EGF: variants seen among roughly 807,000 people sequenced by gnomAD.
EGF encodes epidermal growth factor.
Under a neutral mutation model 143.8 loss-of-function variants are expected in EGF, and 95 were observed. That is an observed-to-expected ratio of 0.66 (90% confidence interval 0.56 to 0.78). The LOEUF is 0.78. Ranked by LOEUF, EGF falls within the 30% of genes least tolerant of loss-of-function variation. The pLI is 0.00. For missense variants in EGF, 1,320 were observed against 1,470.9 expected (o/e 0.90, Z 1.68); for synonymous variants, 510 against 510.5 (o/e 1.00, Z 0.01).
intron 20 of EGF, among the ~76,000 whole-genome samples, chr4:109,997,278 T>C (rs750987397): frequency 2.6e-5 from 4 of 152,060 alleles, no homozygotes; most frequent in Non-Finnish European, 5.9e-5. Context: ...ATCTCAAGCA[T>C]TGATCTTAGG....
chr4:109,965,655 A>C (rs1216011807), intron 10 of EGF, among the ~76,000 whole-genome samples: 1 of 152,006 alleles, frequency 6.6e-6, no homozygotes, highest in Non-Finnish European at 1.5e-5. Context: ...TCTTGGGTTA[A>C]TTTTCTTATT....
chr4:109,924,751 AC>A (rs1560631018), intron 1 of EGF, among the ~76,000 whole-genome samples: 1 of 152,092 alleles, frequency 6.6e-6, no homozygotes, highest in Non-Finnish European at 1.5e-5. Context: ...CAGTCTTGAC[AC>A]CTTTCTTATT....
chr4:109,959,577 C>A, intron 6 of EGF, 140 bp downstream of exon 6: 3 of 1,212,720 alleles, frequency 2.5e-6, no homozygotes, highest in Non-Finnish European at 3.6e-6. Context: ...TCTCCCCGTC[C>A]CCCACACAAC....
chr4:109,980,940 C>T lies in EGF; in HGVS notation c.2336C>T (p.Thr779Met), dbSNP rs752806358. ...TTTATGAAAGCCTCAGATGGGAAAACGTGTCTGGCTCTGGATGGTCATCAG... is the reference window on the plus strand; with the variant it reads ...TTTATGAAAGCCTCAGATGGGAAAATGTGTCTGGCTCTGGATGGTCATCAG... ...EGFMKASDGK[T>M]CLALDGHQLL... Residue 779 changes from threonine to methionine, a missense_variant, in exon 15 of 24, where the codon ACG becomes ATG. Physicochemically the swap from Thr to Met is moderately conservative, Grantham distance 81. This residue lies in a region of EGF where 1,186 missense variants were observed against 1,313.7 expected (regional missense o/e 0.90). Transcript: ENST00000265171. 1.2e-5 allele frequency: 20 copies of T among 1,614,040 alleles called. No individual in the cohort carries two copies. The highest frequency in any genetic ancestry group is 2.2e-5 in the East Asian group (1 of 44,886).
chr4:110,002,132 A>G (rs539281800), intron 21 of EGF: 3 of 742,708 alleles, frequency 4.0e-6, no homozygotes, highest in East Asian at 1.3e-4. Flanking sequence ...TTCCTCCCTT[A>G]TACCATTCCT....
At chr4:109,967,468 A>G (rs535784809) in intron 10 of EGF, among the ~76,000 whole-genome samples, 6 of 152,140 alleles carry the variant, frequency 3.9e-5, no homozygotes, top group Non-Finnish European at 8.8e-5. Flanking sequence ...GTCAGGTACT[A>G]TGGTGCCTTC....
At chr4:110,005,461 TA>T (rs1193711134) in intron 22 of EGF, among the ~76,000 whole-genome samples, 1 of 152,194 alleles carries the variant, frequency 6.6e-6, no homozygotes, top group Non-Finnish European at 1.5e-5. Context: ...ATTTAACAAA[TA>T]AAAATATAGG....
chr4:109,994,584 G>A (rs1216369297), intron 19 of EGF, 149 bp from the exon 20 acceptor site: 9 of 929,388 alleles, frequency 9.7e-6, no homozygotes, highest in South Asian at 4.3e-5. Context: ...GGTCTAGCTA[G>A]GAAAGTGAAA....
intron 1 of EGF, among the ~76,000 whole-genome samples, chr4:109,933,875 A>G (rs1276350121): frequency 2.0e-5 from 3 of 152,216 alleles, no homozygotes; most frequent in African/African-American, 4.8e-5. Flanking sequence ...TAGTGCCACA[A>G]TAAACATATG....
chr4:109,943,134 T>A lies in EGF; in HGVS notation c.328-120T>A. 4 of 686,892 alleles carry A rather than the reference T, an allele frequency of 5.8e-6. No homozygotes were observed. The South Asian group carries it at 1.0e-4, about 18-fold the overall frequency. The allele number at this position is 686,892 out of a possible 1,614,324, so 42.5% of individuals were successfully genotyped here. On this transcript the variant is annotated intron_variant, in intron 2 of 23. Transcript: ENST00000265171. ...TGACTATTTTATTATTTAAACAATT[T>A]TGGAACTGCATAAAGATGACAAATA...
intron 1 of EGF, among the ~76,000 whole-genome samples, chr4:109,916,612 C>G (rs1016711390): frequency 6.6e-6 from 1 of 151,998 alleles, no homozygotes; most frequent in Non-Finnish European, 1.5e-5. Context: ...GGAGTGGAAT[C>G]TAGGCCTTAT....
chr4:109,944,236 G>C (rs577936612), intron 4 of EGF, among the ~76,000 whole-genome samples, 167 bp downstream of exon 4: 2 of 152,198 alleles, frequency 1.3e-5, no homozygotes, highest in African/African-American at 4.8e-5. Context: ...TCAGGAGATC[G>C]AGACCATCCT....
chr4:109,913,734 G>A (rs972951176), intron 1 of EGF, among the ~76,000 whole-genome samples: 4 of 152,178 alleles, frequency 2.6e-5, no homozygotes, highest in African/African-American at 9.7e-5. Context: ...TTTCATGGAA[G>A]CTTCAGCTTT....
At chr4:109,937,289 G>T (rs887921333) in intron 1 of EGF, among the ~76,000 whole-genome samples, 1 of 151,016 alleles carries the variant, frequency 6.6e-6, no homozygotes, top group South Asian at 2.1e-4. Context: ...TTATGTAATG[G>T]TCTTCTTTGT....
Position 109,936,959 on chromosome 4 carries a change from C to T in EGF, c.128-3987C>T, listed in dbSNP as rs185525227. ...CTGAGGAGTGTTTTACTTCCAATTA[C>T]GTGTTCAATTTTAGAATAAGTGTGA... On this transcript the variant is annotated intron_variant, in intron 1 of 23. Transcript: ENST00000265171. 3.0e-4 allele frequency among the ~76,000 whole-genome samples: 45 copies of T among 152,180 alleles called. No homozygotes were observed. The East Asian group carries it at 6.6e-3, about 22-fold the overall frequency.
At chr4:109,943,188 CAATT>C (rs1358818694) in intron 2 of EGF, 62 bp from the exon 3 acceptor site, 34 of 1,128,556 alleles carry the variant, frequency 3.0e-5, no homozygotes, top group Admixed American at 9.2e-5. Context: ...TTATATATAA[CAATT>C]AAAATAATTT....
At chr4:109,931,318 T>A (rs1413853510) in intron 1 of EGF, among the ~76,000 whole-genome samples, 6 of 152,248 alleles carry the variant, frequency 3.9e-5, no homozygotes, top group Non-Finnish European at 8.8e-5. Context: ...ATTACATTCT[T>A]ACAAATATAG....
intron 4 of EGF, 68 bp from the exon 5 acceptor site, chr4:109,945,005 A>C: frequency 6.6e-7 from 1 of 1,505,154 alleles, no homozygotes. Context: ...ATTGAAATGA[A>C]GTGAAATTCT....
chr4:109,998,397 C>A (rs542313050), intron 20 of EGF, among the ~76,000 whole-genome samples: 1 of 152,164 alleles, frequency 6.6e-6, no homozygotes, highest in African/African-American at 2.4e-5. Context: ...TTTTTGGAAG[C>A]AGCATGGTAT....
Sources: allele counts gnomAD v4.1 joint callset (sites outside exome capture counted in the v4.1 genomes callset), GRCh38; gene constraint gnomAD v4.1.1; regional missense constraint gnomAD v4.1.1; transcripts MANE v1.5; gene names NCBI Gene and HGNC (gene_info 2026-07-23, HGNC 2026-07-21).